Variants in SORL1 observed in about 807,000 individuals in gnomAD.
SORL1 encodes sortilin-related receptor.
In SORL1, 127 loss-of-function variants were observed where a neutral mutation model predicts 273.7. The ratio of observed to expected loss-of-function variants is 0.46; its 90% CI spans 0.40 to 0.54. The LOEUF (loss-of-function observed/expected upper bound fraction) is 0.54, where lower values mean the gene tolerates loss of function less well. Among genes scored for constraint, SORL1 ranks in the 20% least tolerant of loss-of-function variants. SORL1 has a pLI of 0.00. For missense variants in SORL1, 2,494 were observed against 2,846.1 expected (o/e 0.88, Z 2.81); for synonymous variants, 1,031 against 1,067.4 (o/e 0.97, Z 0.66).
In SORL1 at chr11:121,622,233, C is replaced by G. The variant is rs1863733731; in HGVS notation, c.6136C>G (p.Leu2046Val). ...NDHVLLFWKS[L>V]ALKEKHFNES... ...TCATGTTCTTCTGTTTTGGAAAAGC[C>G]TGGCTTTAAAGGAAAAGCATTTTAA... is the stretch of plus-strand genomic sequence containing the variant. Residue 2046 changes from leucine to valine, a missense_variant, in exon 45 of 48, where the codon CTG becomes GTG. Physicochemically the swap from Leu to Val is conservative, Grantham distance 32. Coordinates refer to ENST00000260197, the MANE Select transcript of SORL1 (RefSeq NM_003105.6). 1 of 1,612,066 alleles carries G rather than the reference C, an allele frequency of 6.2e-7. No individual in the cohort carries two copies. The highest frequency in any genetic ancestry group is 8.5e-7 in the Non-Finnish European group (1 of 1,178,742).
At chr11:121,518,206 A>C (rs967957296) in intron 8 of SORL1, among the ~76,000 whole-genome samples, 2 of 152,196 alleles carry the variant, frequency 1.3e-5, no homozygotes, top group Non-Finnish European at 2.9e-5. Flanking sequence ...GAGTGGGGCT[A>C]TAGGGGACCT....
chr11:121,487,987 G>T (rs1352837354), intron 3 of SORL1, 45 bp from the exon 4 acceptor site: 1 of 1,605,064 alleles, frequency 6.2e-7, no homozygotes, highest in Non-Finnish European at 8.5e-7. Flanking sequence ...GTGTTGGGCA[G>T]CTCTGGACAG....
At chr11:121,565,358 A>G (rs1351613191) in intron 21 of SORL1, among the ~76,000 whole-genome samples, 2 of 152,224 alleles carry the variant, frequency 1.3e-5, no homozygotes, top group African/African-American at 4.8e-5. Context: ...CGTTGTTGCC[A>G]TAGCATTGTG....
At position 121,621,230 on chromosome 11, in the gene SORL1, T is replaced by C; in HGVS notation, c.6056T>C (p.Ile2019Thr). 1.2e-6 allele frequency: 2 copies of C among 1,613,872 alleles called. No individual in the cohort carries two copies. Among genetic ancestry groups the C allele is most frequent in the Non-Finnish European group, 1.7e-6 (2 of 1,179,902 alleles). Reference sequence around the variant, plus strand: ...ATGAGCAAAGATTCCAGCATAAAAATTACCACAGGTAAGCAGGAGAGAGGT... The same window carrying C: ...ATGAGCAAAGATTCCAGCATAAAAACTACCACAGGTAAGCAGGAGAGAGGT... ...GNMSKDSSIKITTVSLSAPDA... is the reference protein window; with the variant it reads ...GNMSKDSSIKTTTVSLSAPDA... The change falls in exon 44 of 48, where the codon ATT becomes ACT. Residue 2019 changes from isoleucine (I) to threonine (T), a missense_variant. Around this residue, in one of 3 missense-constraint regions of SORL1, gnomAD observed 1,609 missense variants for 1,816.4 expected, o/e 0.89. Coordinates refer to ENST00000260197, the MANE Select transcript of SORL1 (RefSeq NM_003105.6).
intron 19 of SORL1, 146 bp downstream of exon 19, chr11:121,557,551 C>A: frequency 1.5e-6 from 1 of 661,006 alleles, no homozygotes. Flanking sequence ...GAGACCACAG[C>A]TTAGTCATCG....
intron 12 of SORL1, among the ~76,000 whole-genome samples, chr11:121,542,447 G>T (rs1233776387): frequency 1.3e-5 from 2 of 151,176 alleles, no homozygotes; most frequent in African/African-American, 4.9e-5. Flanking sequence ...TTATTTATTT[G>T]GTTTTTGTGG....
rs759811365 is a variant in SORL1 at position 121,588,049 on chromosome 11, G to T, written c.3844G>T (p.Val1282Leu). Residue 1282 changes from valine (V) to leucine (L), a missense_variant, in exon 28 of 48, where the codon GTG becomes TTG. This residue lies in a region of SORL1 where 1,609 missense variants were observed against 1,816.4 expected (regional missense o/e 0.89). Coordinates refer to ENST00000260197, the MANE Select transcript of SORL1 (RefSeq NM_003105.6). Reference protein sequence around the residue: ...EPLCTHFMDFVCKNRQQCLFH... With the variant: ...EPLCTHFMDFLCKNRQQCLFH... ...CCTCTGTACGCACTTCATGGACTTTGTGTGTAAGAACCGCCAGCAGTGCCT... is the reference window on the plus strand; with the variant it reads ...CCTCTGTACGCACTTCATGGACTTTTTGTGTAAGAACCGCCAGCAGTGCCT... The T allele has an allele frequency of 2.5e-6, 4 of 1,613,702 alleles. No homozygotes were observed. The highest frequency in any genetic ancestry group is 3.4e-6 in the Non-Finnish European group (4 of 1,179,770).
intron 6 of SORL1, among the ~76,000 whole-genome samples, chr11:121,499,894 C>T (rs1465014785): frequency 6.6e-6 from 1 of 152,222 alleles, no homozygotes; most frequent in Admixed American, 6.5e-5. Context: ...CTTTTGCTTC[C>T]TTCCAGCACC....
At chr11:121,570,130 C>G (rs1303094915) in intron 22 of SORL1, 27 bp from the exon 23 acceptor site, 1 of 1,489,226 alleles carries the variant, frequency 6.7e-7, no homozygotes, top group Admixed American at 1.7e-5. Context: ...GGTTTCATTT[C>G]CTCCCCTGCC....
intron 25 of SORL1, among the ~76,000 whole-genome samples, chr11:121,580,758 T>C (rs1442083053): frequency 6.6e-6 from 1 of 151,416 alleles, no homozygotes; most frequent in African/African-American, 2.4e-5. Context: ...ACATGTGCCA[T>C]CATGCCTGGC....
At chr11:121,622,747 A>G (rs886158950) in intron 45 of SORL1, among the ~76,000 whole-genome samples, 2 of 152,244 alleles carry the variant, frequency 1.3e-5, no homozygotes, top group African/African-American at 4.8e-5. Flanking sequence ...TAACTTATGA[A>G]GAACACCTTG....
intron 32 of SORL1, among the ~76,000 whole-genome samples, chr11:121,602,471 C>G (rs185300161): frequency 6.6e-6 from 1 of 152,212 alleles, no homozygotes; most frequent in African/African-American, 2.4e-5. Context: ...CCACCTCCCC[C>G]ATCCTTGTAT....
In SORL1 at chr11:121,554,984, G is replaced by A; in HGVS notation, c.2440-203G>A. 1 of 417,744 alleles carries A rather than the reference G, an allele frequency of 2.4e-6. No individual in the cohort carries two copies. Among genetic ancestry groups the A allele is most frequent in the South Asian group, 3.9e-5 (1 of 25,352 alleles). The allele number at this position is 417,744 out of a possible 1,614,324, so 25.9% of individuals were successfully genotyped here. A position where few individuals can be genotyped will look rare whatever the true frequency, so the allele number is the denominator to read the frequency against. On this transcript the variant is annotated intron_variant, in intron 17 of 47. Transcript: ENST00000260197. The surrounding 1 kb of genome is among the most constrained non-coding windows in gnomAD (Gnocchi z 4.6). Reference sequence around the variant, plus strand: ...TATATGATTAAATTCTCTTTATTCTGCTTTAAAAAACAAAAATGTAGTATA... The same window carrying A: ...TATATGATTAAATTCTCTTTATTCTACTTTAAAAAACAAAAATGTAGTATA...
chr11:121,562,293 A>G (rs1298083993), intron 21 of SORL1, among the ~76,000 whole-genome samples: 1 of 152,114 alleles, frequency 6.6e-6, no homozygotes, highest in Non-Finnish European at 1.5e-5. Context: ...ACTCCTGTCC[A>G]TCTTTATTAT....
chr11:121,506,787 A>G (rs1418748710), intron 6 of SORL1, among the ~76,000 whole-genome samples: 3 of 152,218 alleles, frequency 2.0e-5, no homozygotes, highest in Non-Finnish European at 4.4e-5. Context: ...TAATTTACTT[A>G]CATTTAATGT....
chr11:121,597,319 G>T (rs1409592085), intron 32 of SORL1, among the ~76,000 whole-genome samples: 3 of 152,086 alleles, frequency 2.0e-5, no homozygotes, highest in African/African-American at 7.2e-5. Context: ...TCTTCAGTTT[G>T]GTTGGACAAA....
intron 35 of SORL1, 29 bp from the exon 36 acceptor site, chr11:121,606,816 T>C: frequency 6.6e-7 from 1 of 1,523,088 alleles, no homozygotes; most frequent in Non-Finnish European, 9.0e-7. Context: ...TGCAGATGGG[T>C]TTTAACCTTG....
chr11:121,585,930 TG>T (rs1386252815), intron 26 of SORL1, among the ~76,000 whole-genome samples: 2 of 152,220 alleles, frequency 1.3e-5, no homozygotes, highest in African/African-American at 4.8e-5. Context: ...CACTTGTACT[TG>T]TGGGCGGTTT....
chr11:121,551,861 C>T (rs751124725), intron 16 of SORL1, among the ~76,000 whole-genome samples: 14 of 152,170 alleles, frequency 9.2e-5, no homozygotes, highest in Non-Finnish European at 1.5e-4. Context: ...CAGCAAATTC[C>T]AACAAATGAG....
Sources: allele counts gnomAD v4.1 joint callset (sites outside exome capture counted in the v4.1 genomes callset), GRCh38; gene constraint gnomAD v4.1.1; regional missense constraint gnomAD v4.1.1; non-coding constraint Gnocchi (gnomAD v3.1); transcripts MANE v1.5; gene names NCBI Gene and HGNC (gene_info 2026-07-23, HGNC 2026-07-21).